Variants in SNX24 observed in about 807,000 individuals in gnomAD.
SNX24 encodes sorting nexin 24, also known as sorting nexin-24.
A neutral mutation model predicts 28.7 loss-of-function variants in SNX24; 22 were observed. The observed-to-expected ratio is 0.77, with a 90% CI of 0.55 to 1.10. The LOEUF is 1.10. SNX24 is among the 50% of genes least tolerant of loss of function. The pLI is 0.00. For missense variants in SNX24, 221 were observed against 201.1 expected (o/e 1.10, Z -0.60); for synonymous variants, 69 against 71.5 (o/e 0.96, Z 0.18).
At chr5:122,886,823 C>CT (rs1374504275) in intron 1 of SNX24, among the ~76,000 whole-genome samples, 2 of 151,144 alleles carry the variant, frequency 1.3e-5, no homozygotes, top group Non-Finnish European at 2.9e-5. Context: ...GAGCGAGACT[C>CT]TGACTCAAAA....
intron 3 of SNX24, among the ~76,000 whole-genome samples, chr5:122,949,543 C>A (rs958701503): frequency 6.6e-6 from 1 of 152,094 alleles, no homozygotes; most frequent in African/African-American, 2.4e-5. Context: ...TGAATTGCCA[C>A]AGTGTAAATA....
At chr5:123,026,974 C>T (rs964797946) in intron 5 of SNX24, among the ~76,000 whole-genome samples, 3 of 152,126 alleles carry the variant, frequency 2.0e-5, no homozygotes, top group African/African-American at 7.2e-5. Flanking sequence ...GCGGGCAGAT[C>T]GCAAGGCCAG....
intron 1 of SNX24, among the ~76,000 whole-genome samples, chr5:122,862,329 A>G (rs1189342595): frequency 6.6e-6 from 1 of 152,136 alleles, no homozygotes; most frequent in Non-Finnish European, 1.5e-5. Context: ...GAAAAAAAAG[A>G]AAGAGGCTGG....
At chr5:122,976,251 G>A (rs188218680) in intron 3 of SNX24, among the ~76,000 whole-genome samples, 12 of 147,776 alleles carry the variant, frequency 8.1e-5, no homozygotes, top group South Asian at 2.1e-4. Flanking sequence ...TTGGAGGTCC[G>A]TGAAGACCAA....
chr5:122,897,505 T>C (rs1170695639), intron 1 of SNX24, among the ~76,000 whole-genome samples: 1 of 152,202 alleles, frequency 6.6e-6, no homozygotes, highest in Admixed American at 6.5e-5. Context: ...ATTTTGAACT[T>C]ACATATGTCA....
At chr5:122,959,396 T>TA (rs1760374442) in intron 3 of SNX24, among the ~76,000 whole-genome samples, 1 of 150,278 alleles carries the variant, frequency 6.7e-6, no homozygotes, top group Non-Finnish European at 1.5e-5. Context: ...TAATAAAAAA[T>TA]ACATAATATA....
intron 3 of SNX24, among the ~76,000 whole-genome samples, chr5:122,981,751 C>T (rs1381274852): frequency 1.3e-5 from 2 of 152,258 alleles, no homozygotes; most frequent in African/African-American, 2.4e-5. Flanking sequence ...GATCTCTGCT[C>T]ACTGCAACCT....
intron 1 of SNX24, among the ~76,000 whole-genome samples, chr5:122,916,494 A>G (rs1240582154): frequency 1.2e-5 from 1 of 85,388 alleles, no homozygotes. Context: ...CGTGTTTATA[A>G]TATTTTGTGC....
chr5:122,904,102 G>A (rs1757548127), intron 1 of SNX24, among the ~76,000 whole-genome samples: 1 of 151,936 alleles, frequency 6.6e-6, no homozygotes, highest in South Asian at 2.1e-4. Context: ...CATCGTTTTA[G>A]CCCCTAGAGC....
chr5:122,932,591 C>T (rs148706604), intron 1 of SNX24, among the ~76,000 whole-genome samples: 16 of 152,150 alleles, frequency 1.1e-4, no homozygotes, highest in African/African-American at 3.1e-4. Context: ...TCATTTTAGC[C>T]GGGTGCAGTG....
chr5:122,923,698 G>C (rs1758546698), intron 1 of SNX24, among the ~76,000 whole-genome samples: 1 of 152,108 alleles, frequency 6.6e-6, no homozygotes, highest in Admixed American at 6.6e-5. Flanking sequence ...TCCCTTCCTG[G>C]GGTCCAAAAA....
intron 6 of SNX24, among the ~76,000 whole-genome samples, chr5:123,004,315 T>G (rs1402572055): frequency 6.6e-6 from 1 of 152,344 alleles, no homozygotes; most frequent in East Asian, 1.9e-4. Context: ...TCAAAACAAC[T>G]CTTGCCAAAG....
chr5:122,906,057 CAG>C (rs1757635463), intron 1 of SNX24, among the ~76,000 whole-genome samples: 1 of 152,208 alleles, frequency 6.6e-6, no homozygotes, highest in East Asian at 1.9e-4. Context: ...CAGGTATATA[CAG>C]AGAGCTCTAA....
rs34840907 is a variant in SNX24, at chr5:122,929,440, C to CTT, written c.61-7285_61-7284dup. Among the ~76,000 whole-genome samples the CTT allele has an allele frequency of 6.1e-5, 9 of 148,426 alleles. No individual in the cohort carries two copies. In the East Asian group the frequency reaches 1.2e-3, roughly 19 times the overall value. On this transcript the variant is annotated intron_variant, in intron 1 of 6. Coordinates refer to ENST00000261369, the MANE Select transcript of SNX24 (RefSeq NM_014035.4). ...TTATATTGAGTATAGCTCCAATAGCCTTTTTTTTTTAGAGACAACGTTGCC... is the reference window on the plus strand; with the variant it reads ...TTATATTGAGTATAGCTCCAATAGCCTTTTTTTTTTTTAGAGACAACGTTGCC...
At chr5:122,995,183 T>C (rs575386193) in intron 3 of SNX24, among the ~76,000 whole-genome samples, 3 of 152,338 alleles carry the variant, frequency 2.0e-5, no homozygotes, top group Non-Finnish European at 2.9e-5. Flanking sequence ...TTACTACTTT[T>C]ATTGCACACG....
chr5:122,907,003 G>T (rs923748013), intron 1 of SNX24, among the ~76,000 whole-genome samples: 2 of 152,066 alleles, frequency 1.3e-5, no homozygotes, highest in South Asian at 4.1e-4. Context: ...TGATTTAAGT[G>T]GTGCCTAGAC....
chr5:122,969,766 A>G (rs189032670), intron 3 of SNX24, among the ~76,000 whole-genome samples: 131 of 152,226 alleles, frequency 8.6e-4, no homozygotes, highest in African/African-American at 2.9e-3. Context: ...CTAATCCTGG[A>G]TCCCTCTTGC....
chr5:122,991,013 C>T (rs1761824501), intron 3 of SNX24, among the ~76,000 whole-genome samples: 1 of 152,072 alleles, frequency 6.6e-6, no homozygotes, highest in African/African-American at 2.4e-5. Context: ...TCTCCTGTCT[C>T]GGCCTTCCAT....
chr5:122,992,452 T>C (rs1761895356), intron 3 of SNX24, among the ~76,000 whole-genome samples: 1 of 152,166 alleles, frequency 6.6e-6, no homozygotes, highest in Non-Finnish European at 1.5e-5. Context: ...TGCTTAGCTT[T>C]ATTATTTTCT....
Sources: allele counts gnomAD v4.1 joint callset (sites outside exome capture counted in the v4.1 genomes callset), GRCh38; gene constraint gnomAD v4.1.1; transcripts MANE v1.5; gene names NCBI Gene and HGNC (gene_info 2026-07-23, HGNC 2026-07-21).